SLC26A8: variants seen among roughly 807,000 people sequenced by gnomAD.
SLC26A8 encodes the protein solute carrier family 26 member 8.
A neutral mutation model predicts 105.0 loss-of-function variants in SLC26A8; 70 were observed. The observed-to-expected ratio is 0.67, with a 90% CI of 0.55 to 0.81. SLC26A8 has a LOEUF of 0.81. Among genes scored for constraint, SLC26A8 ranks in the 40% least tolerant of loss-of-function variants. The pLI, the probability that SLC26A8 is intolerant of heterozygous loss-of-function variation, is 0.00. For synonymous variants in SLC26A8, 415 were observed against 438.3 expected, an observed-to-expected ratio of 0.95 and a Z score of 0.66; for missense variants, 998 against 1,181.8, an observed-to-expected ratio of 0.84 and a Z score of 2.28.
intron 11 of SLC26A8, among the ~76,000 whole-genome samples, chr6:35,963,009 A>G (rs541249959): frequency 6.6e-6 from 1 of 152,260 alleles, no homozygotes; most frequent in Non-Finnish European, 1.5e-5. Flanking sequence ...AATTTGCCAA[A>G]AACACAAGGC....
intron 8 of SLC26A8, among the ~76,000 whole-genome samples, chr6:35,978,381 T>C (rs753099083): frequency 6.6e-6 from 1 of 152,088 alleles, no homozygotes; most frequent in Non-Finnish European, 1.5e-5. Flanking sequence ...TATAGATCCA[T>C]ACTGGCATAA....
intron 19 of SLC26A8, among the ~76,000 whole-genome samples, chr6:35,949,390 C>A (rs917433904): frequency 5.3e-5 from 8 of 151,904 alleles, no homozygotes; most frequent in Non-Finnish European, 8.8e-5. Flanking sequence ...CGAGACCATG[C>A]CATTGCACTC....
intron 19 of SLC26A8, among the ~76,000 whole-genome samples, chr6:35,949,722 C>T (rs1271840393): frequency 1.3e-5 from 2 of 151,112 alleles, no homozygotes; most frequent in Non-Finnish European, 2.9e-5. Flanking sequence ...TAATTCAAAC[C>T]AATTAGTTAG....
chr6:35,953,432 CTT>C (rs1771948408), intron 17 of SLC26A8, among the ~76,000 whole-genome samples: 1 of 152,162 alleles, frequency 6.6e-6, no homozygotes, highest in Non-Finnish European at 1.5e-5. Flanking sequence ...GCCTCAGACT[CTT>C]AGGGGAAAGT....
At chr6:36,011,250 G>A (rs149684619) in intron 3 of SLC26A8, among the ~76,000 whole-genome samples, 1 of 152,304 alleles carries the variant, frequency 6.6e-6, no homozygotes, top group East Asian at 1.9e-4. Context: ...GTGTTACCGG[G>A]CAGAATTGCT....
intron 3 of SLC26A8, among the ~76,000 whole-genome samples, chr6:36,009,039 A>T (rs1347595660): frequency 6.6e-6 from 1 of 152,206 alleles, no homozygotes; most frequent in African/African-American, 2.4e-5. Context: ...ATAAATGAAG[A>T]CTTAACATTT....
chr6:36,002,892 C>T (rs781017526), intron 3 of SLC26A8, among the ~76,000 whole-genome samples: 3 of 151,810 alleles, frequency 2.0e-5, no homozygotes, highest in East Asian at 1.9e-4. Flanking sequence ...TTAGTAGAGA[C>T]GGGGTTTCAC....
In SLC26A8 at chr6:35,975,363, A is replaced by T; in HGVS notation, c.1287+12T>A. ...GTTTATGTATTAGAGATCAAATTGT[A>T]TTTCAACATACCTGTTGTCTTCCTC... On this transcript the variant is annotated intron_variant, in intron 10 of 19. Coordinates refer to ENST00000490799, the MANE Select transcript of SLC26A8 (RefSeq NM_052961.4). The T allele has an allele frequency of 6.8e-7, 1 of 1,480,266 alleles. No homozygotes were observed. The highest frequency in any genetic ancestry group is 9.4e-7 in the Non-Finnish European group (1 of 1,064,272). The allele number at this position is 1,480,266 out of a possible 1,614,324, so 91.7% of individuals were successfully genotyped here. A position where few individuals can be genotyped will look rare whatever the true frequency, so the allele number is the denominator to read the frequency against.
At chr6:36,005,095 C>T (rs1350037041) in intron 3 of SLC26A8, among the ~76,000 whole-genome samples, 3 of 152,086 alleles carry the variant, frequency 2.0e-5, no homozygotes, top group Non-Finnish European at 4.4e-5. Flanking sequence ...TATCTAGTCT[C>T]ATTTAAGTTT....
intron 3 of SLC26A8, among the ~76,000 whole-genome samples, chr6:36,008,847 T>C (rs1343179115): frequency 1.3e-5 from 2 of 152,110 alleles, no homozygotes; most frequent in African/African-American, 4.8e-5. Flanking sequence ...TCAGAATAGC[T>C]AAAATAAAAA....
At chr6:35,956,308 G>A (rs977365773) in intron 16 of SLC26A8, among the ~76,000 whole-genome samples, 7 of 151,218 alleles carry the variant, frequency 4.6e-5, no homozygotes, top group African/African-American at 1.2e-4. Context: ...CACGCCTATT[G>A]TCCCAGGTAC....
At chr6:36,016,623 T>C (rs1762001714) in intron 2 of SLC26A8, among the ~76,000 whole-genome samples, 1 of 152,242 alleles carries the variant, frequency 6.6e-6, no homozygotes, top group South Asian at 2.1e-4. Context: ...TTTAGATAAC[T>C]GTATTTCAAT....
intron 5 of SLC26A8, among the ~76,000 whole-genome samples, chr6:35,995,202 G>T (rs961669817): frequency 6.6e-6 from 1 of 152,064 alleles, no homozygotes; most frequent in Non-Finnish European, 1.5e-5. Context: ...CTTCCATCTT[G>T]TAAATGGCAA....
At chr6:35,959,021 C>T (rs1485930923) in intron 16 of SLC26A8, among the ~76,000 whole-genome samples, 1 of 152,284 alleles carries the variant, frequency 6.6e-6, no homozygotes, top group Non-Finnish European at 1.5e-5. Context: ...CATAGGAAGA[C>T]ATCAGGAGAC....
At chr6:36,004,763 C>T (rs1434774783) in intron 3 of SLC26A8, among the ~76,000 whole-genome samples, 1 of 151,926 alleles carries the variant, frequency 6.6e-6, no homozygotes, top group Non-Finnish European at 1.5e-5. Context: ...GATCCTTCCA[C>T]CTCAGCCTCC....
intron 7 of SLC26A8, among the ~76,000 whole-genome samples, chr6:35,986,024 CTTTT>C (rs34715373): frequency 7.0e-5 from 5 of 71,320 alleles, no homozygotes; most frequent in Non-Finnish European, 1.1e-4. Flanking sequence ...ACATATACAT[CTTTT>C]TTTTTTTTTT....
At chr6:35,975,252 C>T in intron 10 of SLC26A8, 123 bp downstream of exon 10, 1 of 455,594 alleles carries the variant, frequency 2.2e-6, no homozygotes, top group Non-Finnish European at 3.8e-6. Flanking sequence ...AGAGGTCTTT[C>T]CCATTAAGCA....
chr6:36,019,607 G>C lies in SLC26A8; in HGVS notation c.101C>G (p.Thr34Ser), dbSNP rs370122961. Residue 34 changes from threonine to serine, a missense_variant, in exon 2 of 20, where the codon ACC becomes AGC. Coordinates refer to ENST00000490799, the MANE Select transcript of SLC26A8 (RefSeq NM_052961.4). ...DVKREVYNEETFQQEHKRKAS... is the reference protein window; with the variant it reads ...DVKREVYNEESFQQEHKRKAS... ...CTTCCTTTTGTGTTCCTGTTGAAAG[G>C]TCTCCTCATTGTATACTTCACGCTT... 4 of 1,614,016 alleles carry C rather than the reference G, an allele frequency of 2.5e-6. No homozygotes were observed. The highest frequency in any genetic ancestry group is 2.5e-6 in the Non-Finnish European group (3 of 1,180,030).
rs759354665 is a variant in SLC26A8 at position 35,944,327 on chromosome 6, C to A, written c.2486G>T (p.Arg829Ile). The A allele has an allele frequency of 1.9e-6, 3 of 1,609,974 alleles. No individual in the cohort carries two copies. The highest frequency in any genetic ancestry group is 2.2e-5 in the South Asian group (2 of 90,946). Residue 829 changes from arginine to isoleucine, a missense_variant, in exon 20 of 20, where the codon AGA (arginine) becomes ATA (isoleucine). Transcript: ENST00000490799. ...TAGAAAACTGCTGCTCATTTTATAT[C>A]TTGAATTGTCATTCTGAAATACAAT... is the stretch of plus-strand genomic sequence containing the variant. ...YSETDKNDNS[R>I]YKMSSSFLGS...
Sources: gnomAD v4.1 joint callset for allele counts (sites outside exome capture counted in the v4.1 genomes callset) on GRCh38, gnomAD v4.1.1 for gene constraint, MANE v1.5 for transcripts, NCBI Gene and HGNC (gene_info 2026-07-23, HGNC 2026-07-21) for gene names.